The following SOX5 variants were observed in gnomAD, a reference collection of about 807,000 sequenced individuals.
SOX5 encodes the protein transcription factor SOX-5.
In SOX5, 9 loss-of-function variants were observed where a neutral mutation model predicts 92.0. The ratio of observed to expected loss-of-function variants is 0.10; its 90% CI spans 0.06 to 0.17. The LOEUF (loss-of-function observed/expected upper bound fraction) is 0.17, where lower values mean the gene tolerates loss of function less well. Ranked by LOEUF, SOX5 falls within the 10% of genes least tolerant of loss-of-function variation. SOX5 has a pLI of 1.00. For synonymous variants in SOX5, 344 were observed against 336.3 expected (o/e 1.02, Z -0.25); for missense variants, 642 against 944.5 (o/e 0.68, Z 4.20).
At chr12:24,040,647 T>G (rs1375913871) in intron 4 of SOX5, among the ~76,000 whole-genome samples, 1 of 152,074 alleles carries the variant, frequency 6.6e-6, no homozygotes, top group Non-Finnish European at 1.5e-5. Flanking sequence ...CCAAGGCAGG[T>G]GGATCACGAG....
chr12:23,797,802 C>T (rs954199034), intron 3 of SOX5, among the ~76,000 whole-genome samples: 3 of 152,006 alleles, frequency 2.0e-5, no homozygotes, highest in South Asian at 2.1e-4. Flanking sequence ...CGCTAGCCTT[C>T]GATACTGTAC....
At chr12:24,392,592 C>T (rs916074854) in intron 1 of SOX5, among the ~76,000 whole-genome samples, 31 of 152,054 alleles carry the variant, frequency 2.0e-4, no homozygotes, top group Non-Finnish European at 3.7e-4. Context: ...TAAATCAGTA[C>T]CCCCAACCCT....
At chr12:24,166,563 T>G (rs564186395) in intron 4 of SOX5, among the ~76,000 whole-genome samples, 45 of 152,334 alleles carry the variant, frequency 3.0e-4, no homozygotes, top group African/African-American at 1.0e-3. Flanking sequence ...TAAGTTTTGA[T>G]GAGCAATTAA....
intron 1 of SOX5, among the ~76,000 whole-genome samples, chr12:24,405,601 A>G (rs1009110398): frequency 1.3e-5 from 2 of 152,194 alleles, no homozygotes; most frequent in African/African-American, 2.4e-5. Context: ...GCATGTGTGT[A>G]CATCAGTGGA....
At chr12:24,068,582 G>T (rs1298957517) in intron 4 of SOX5, among the ~76,000 whole-genome samples, 1 of 151,186 alleles carries the variant, frequency 6.6e-6, no homozygotes, top group East Asian at 1.9e-4. Context: ...CTGCAGAATG[G>T]AAGTTATTCA....
At chr12:23,730,104 C>A (rs2093334059) in intron 6 of SOX5, among the ~76,000 whole-genome samples, 1 of 151,724 alleles carries the variant, frequency 6.6e-6, no homozygotes, top group Non-Finnish European at 1.5e-5. Context: ...TTACTGGAAA[C>A]ATAAAGCAAC....
At chr12:24,254,718 AATATAT>A (rs10556060) in intron 3 of SOX5, among the ~76,000 whole-genome samples, 1 of 146,546 alleles carries the variant, frequency 6.8e-6, no homozygotes, top group African/African-American at 2.6e-5. Flanking sequence ...GGGCTGCTCA[AATATAT>A]ATATATATAT....
At chr12:24,433,278 G>T (rs996700636) in intron 1 of SOX5, among the ~76,000 whole-genome samples, 2 of 152,128 alleles carry the variant, frequency 1.3e-5, no homozygotes, top group Non-Finnish European at 2.9e-5. Flanking sequence ...CATAGCAGAA[G>T]GTTCTATAAA....
In SOX5 at chr12:24,139,689, A is replaced by AC. The variant is rs777287769; in HGVS notation, c.-2+73653dup. ...ACTGCAATTTTTAATCTCTTAGAGG[A>AC]CATTTGCTCTCCATATTCCCATATT... On this transcript the variant is annotated intron_variant, in intron 4 of 4. Coordinates refer to the SOX5 transcript ENST00000446891. Among the ~76,000 whole-genome samples the AC allele has an allele frequency of 2.6e-5, 4 of 152,306 alleles. No homozygotes were observed. In the South Asian group the frequency reaches 6.2e-4, roughly 24 times the overall value.
chr12:23,680,348 G>GA (rs958494847), intron 6 of SOX5, among the ~76,000 whole-genome samples: 7 of 108,158 alleles, frequency 6.5e-5, no homozygotes, highest in Non-Finnish European at 1.4e-4. Flanking sequence ...AAAAAAAAAA[G>GA]AAAAATATAA....
intron 1 of SOX5, among the ~76,000 whole-genome samples, chr12:24,472,263 A>C (rs892174988): frequency 1.3e-5 from 2 of 152,164 alleles, no homozygotes; most frequent in African/African-American, 4.8e-5. Context: ...GAGCAAAGGG[A>C]ATTAGTGGCT....
At chr12:23,790,371 T>C (rs985964274) in intron 3 of SOX5, among the ~76,000 whole-genome samples, 3 of 152,204 alleles carry the variant, frequency 2.0e-5, no homozygotes, top group African/African-American at 7.2e-5. Flanking sequence ...GGCATTGTTT[T>C]AGAAAATAAA....
At chr12:23,811,026 GTTGA>G (rs916624645) in intron 3 of SOX5, among the ~76,000 whole-genome samples, 3 of 152,094 alleles carry the variant, frequency 2.0e-5, no homozygotes, top group Non-Finnish European at 2.9e-5. Context: ...TTTATCAGTA[GTTGA>G]TTATTTTAAT....
chr12:23,552,675 T>C (rs1273703448), intron 11 of SOX5, among the ~76,000 whole-genome samples: 1 of 151,912 alleles, frequency 6.6e-6, no homozygotes, highest in East Asian at 1.9e-4. Context: ...TGAAAGATAA[T>C]GAACCAGTGA....
intron 9 of SOX5, among the ~76,000 whole-genome samples, chr12:23,580,889 T>C (rs913649601): frequency 3.3e-5 from 5 of 152,092 alleles, no homozygotes; most frequent in African/African-American, 1.2e-4. Context: ...AACAAATATG[T>C]AGCCTTAGAC....
At chr12:24,500,221 C>T (rs1319283287) in intron 1 of SOX5, among the ~76,000 whole-genome samples, 2 of 152,184 alleles carry the variant, frequency 1.3e-5, no homozygotes, top group Non-Finnish European at 2.9e-5. Flanking sequence ...AAAATAATCA[C>T]ATACATATAT....
intron 6 of SOX5, among the ~76,000 whole-genome samples, chr12:23,704,701 T>TATATATATAC (rs1157662306): frequency 1.5e-5 from 2 of 129,968 alleles, no homozygotes; most frequent in Non-Finnish European, 3.4e-5. Flanking sequence ...TATATATATA[T>TATATATATAC]ATATATATAT....
chr12:24,172,347 G>A (rs1463993136), intron 4 of SOX5, among the ~76,000 whole-genome samples: 2 of 151,778 alleles, frequency 1.3e-5, no homozygotes, highest in Non-Finnish European at 1.5e-5. Flanking sequence ...GACCAGCCTA[G>A]GCAACATGGT....
intron 1 of SOX5, among the ~76,000 whole-genome samples, chr12:24,501,580 C>T (rs898449336): frequency 6.6e-6 from 1 of 152,120 alleles, no homozygotes; most frequent in Non-Finnish European, 1.5e-5. Flanking sequence ...GATTCCAACA[C>T]TTTGGGAGGC....
Sources: gnomAD v4.1 joint callset for allele counts (sites outside exome capture counted in the v4.1 genomes callset) on GRCh38, gnomAD v4.1.1 for gene constraint, MANE v1.5 for transcripts, NCBI Gene and HGNC (gene_info 2026-07-23, HGNC 2026-07-21) for gene names.